Variants in ZC3H8 observed in about 807,000 individuals in gnomAD.
ZC3H8 encodes the protein zinc finger CCCH domain-containing protein 8.
In ZC3H8, 27 loss-of-function variants were observed where a neutral mutation model predicts 42.5. The observed-to-expected ratio is 0.64, with a 90% CI of 0.47 to 0.88. ZC3H8 has a LOEUF of 0.88. Ranked by LOEUF, ZC3H8 falls within the 40% of genes least tolerant of loss-of-function variation. The pLI is 0.00. For synonymous variants in ZC3H8, 101 were observed against 110.1 expected (o/e 0.92, Z 0.52); for missense variants, 277 against 336.1 (o/e 0.82, Z 1.37).
At chr2:112,217,665 C>A (rs1455542185) in intron 8 of ZC3H8, among the ~76,000 whole-genome samples, 1 of 152,110 alleles carries the variant, frequency 6.6e-6, no homozygotes, top group Non-Finnish European at 1.5e-5. Flanking sequence ...ATGAATCTTG[C>A]CAAAACAGTC....
intron 2 of ZC3H8, among the ~76,000 whole-genome samples, chr2:112,242,511 A>G (rs1685620611): frequency 6.6e-6 from 1 of 152,170 alleles, no homozygotes; most frequent in African/African-American, 2.4e-5. Flanking sequence ...TTCATTGAGT[A>G]CCTCATGCTA....
intron 1 of ZC3H8, among the ~76,000 whole-genome samples, chr2:112,250,981 A>G (rs1267512453): frequency 6.6e-6 from 1 of 152,254 alleles, no homozygotes; most frequent in African/African-American, 2.4e-5. Flanking sequence ...CTATTCCAGC[A>G]AAACTAAATA....
rs1336413735 is a variant in ZC3H8 at position 112,215,632 on chromosome 2, G to C, written c.*852C>G. On this transcript the variant is annotated 3_prime_UTR_variant, in exon 9 of 9. Transcript: ENST00000409573. ...TATAATGACGAGTTTCCATTTCATG[G>C]TATTTGTCTAATAATAACCAATAAT... The C allele has an allele frequency of 3.3e-5, 5 of 152,122 alleles. No individual in the cohort carries two copies. The highest frequency in any genetic ancestry group is 1.2e-4 in the African/African-American group (5 of 41,482). The allele number at this position is 152,122 out of a possible 1,614,324, so 9.4% of individuals were successfully genotyped here.
In ZC3H8 at chr2:112,233,229, TAA is replaced by T. The variant is rs763254522; in HGVS notation, c.733+29_733+30del. The T allele has an allele frequency of 7.7e-6, 11 of 1,422,936 alleles. No homozygotes were observed. In the East Asian group the frequency reaches 2.4e-4, roughly 31 times the overall value. The allele number at this position is 1,422,936 out of a possible 1,614,324, so 88.1% of individuals were successfully genotyped here. A position where few individuals can be genotyped will look rare whatever the true frequency, so the allele number is the denominator to read the frequency against. On this transcript the variant is annotated intron_variant, in intron 6 of 8. Coordinates refer to ENST00000409573, the MANE Select transcript of ZC3H8 (RefSeq NM_032494.3). ...TTTAAAATGTTCATGTAAATATTTA[TAA>T]AGTCACCATATCTTGTGATAAAGGA... is the stretch of plus-strand genomic sequence containing the variant.
intron 1 of ZC3H8, among the ~76,000 whole-genome samples, chr2:112,253,530 G>A (rs1051091714): frequency 6.6e-6 from 1 of 152,152 alleles, no homozygotes; most frequent in Non-Finnish European, 1.5e-5. Context: ...AATGACAATT[G>A]GGAGTAAAGT....
intron 2 of ZC3H8, among the ~76,000 whole-genome samples, chr2:112,247,504 G>GGCA (rs1167856013): frequency 6.6e-6 from 1 of 152,142 alleles, no homozygotes; most frequent in Non-Finnish European, 1.5e-5. Flanking sequence ...GCTTGAACCT[G>GGCA]GGAGGTGGAG....
intron 4 of ZC3H8, among the ~76,000 whole-genome samples, chr2:112,236,053 C>T (rs1038193952): frequency 4.0e-5 from 6 of 151,600 alleles, no homozygotes; most frequent in Admixed American, 1.3e-4. Flanking sequence ...CACCTGAGGT[C>T]AGGAGTTCAA....
chr2:112,252,910 A>G (rs370004953), intron 1 of ZC3H8, among the ~76,000 whole-genome samples: 11 of 152,132 alleles, frequency 7.2e-5, no homozygotes, highest in South Asian at 4.1e-4. Context: ...TTGGGAGGCC[A>G]AGGCGGGCAG....
intron 8 of ZC3H8, among the ~76,000 whole-genome samples, chr2:112,223,558 T>C (rs1291169522): frequency 6.6e-6 from 1 of 152,136 alleles, no homozygotes; most frequent in Non-Finnish European, 1.5e-5. Flanking sequence ...ATTACTTTTA[T>C]AAGAATATTT....
intron 8 of ZC3H8, among the ~76,000 whole-genome samples, chr2:112,220,775 C>T (rs1003302145): frequency 6.6e-6 from 1 of 152,156 alleles, no homozygotes; most frequent in South Asian, 2.1e-4. Flanking sequence ...GAGCTGAGAT[C>T]GTGCCATTGC....
chr2:112,226,343 C>T (rs981442090), intron 8 of ZC3H8, among the ~76,000 whole-genome samples: 1 of 151,806 alleles, frequency 6.6e-6, no homozygotes, highest in African/African-American at 2.4e-5. Context: ...AATCCCAGCA[C>T]TTTGGGAGGC....
intron 8 of ZC3H8, among the ~76,000 whole-genome samples, chr2:112,226,589 CA>C (rs549996878): frequency 0.095 from 7,081 of 74,198 alleles, 662 homozygotes; most frequent in East Asian, 0.41. Context: ...GACTCCATCT[CA>C]AAAAAAAAAA....
At position 112,225,039 on chromosome 2, in the gene ZC3H8, T is replaced by C. The variant is rs1573890504; in HGVS notation, c.*15+5864A>G. 1.3e-5 allele frequency among the ~76,000 whole-genome samples: 2 copies of C among 152,352 alleles called. 1 individual carries two copies. The highest frequency in any genetic ancestry group is 4.1e-4 in the South Asian group (2 of 4,830). ...TTTATTCCTGTTTTATTCTGTTTGATGCTACTGAATGAAATTGTTTAAACT... is the reference window on the plus strand; with the variant it reads ...TTTATTCCTGTTTTATTCTGTTTGACGCTACTGAATGAAATTGTTTAAACT... On this transcript the variant is annotated intron_variant, in intron 8 of 8. Coordinates refer to ENST00000409573, the MANE Select transcript of ZC3H8 (RefSeq NM_032494.3).
In ZC3H8 at chr2:112,214,974, C is replaced by T. The variant is rs1684270689; in HGVS notation, c.*1510G>A. On this transcript the variant is annotated 3_prime_UTR_variant, in exon 9 of 9. Coordinates refer to ENST00000409573, the MANE Select transcript of ZC3H8 (RefSeq NM_032494.3). ...TATTTGACTTCTGAGTCCCTCAAAT[C>T]TCTGCGGTGTCTTTTAAGTTTACAA... is the stretch of plus-strand genomic sequence containing the variant. 6.6e-6 allele frequency: 1 copy of T among 152,148 alleles called. No individual in the cohort carries two copies. Among genetic ancestry groups the T allele is most frequent in the Non-Finnish European group, 1.5e-5 (1 of 68,020 alleles). 9.4% of individuals were successfully genotyped at this position (152,148 alleles called of 1,614,324 possible). A position where few individuals can be genotyped will look rare whatever the true frequency, so the allele number is the denominator to read the frequency against.
At chr2:112,250,715 T>C (rs899991088) in intron 1 of ZC3H8, among the ~76,000 whole-genome samples, 19 of 152,144 alleles carry the variant, frequency 1.2e-4, no homozygotes, top group Admixed American at 6.6e-5. Context: ...TATAGGGGCA[T>C]ATATGGGGAA....
intron 8 of ZC3H8, among the ~76,000 whole-genome samples, chr2:112,221,812 T>C (rs1467110049): frequency 6.6e-6 from 1 of 152,182 alleles, no homozygotes; most frequent in East Asian, 1.9e-4. Flanking sequence ...GACTATCTCC[T>C]GTATGTCATT....
chr2:112,225,056 G>C (rs971673740), intron 8 of ZC3H8, among the ~76,000 whole-genome samples: 1 of 152,124 alleles, frequency 6.6e-6, no homozygotes, highest in Non-Finnish European at 1.5e-5. Flanking sequence ...GAATGAAATT[G>C]TTTAAACTTC....
In ZC3H8 at chr2:112,255,012, G is replaced by A; in HGVS notation, c.-31C>T. 6.3e-7 allele frequency: 1 copy of A among 1,579,906 alleles called. No individual in the cohort carries two copies. Among genetic ancestry groups the A allele is most frequent in the East Asian group, 2.3e-5 (1 of 43,324 alleles). On this transcript the variant is annotated 5_prime_UTR_variant, in exon 1 of 9. Transcript: ENST00000409573. Reference sequence around the variant, plus strand: ...AGACAGGTCCTCCCTTTCGCGAGCCGGGAAGCTACAGAGTAACAACCCGAG... The same window carrying A: ...AGACAGGTCCTCCCTTTCGCGAGCCAGGAAGCTACAGAGTAACAACCCGAG...
chr2:112,229,357 A>C (rs1423782330), intron 8 of ZC3H8, among the ~76,000 whole-genome samples: 3 of 152,076 alleles, frequency 2.0e-5, no homozygotes, highest in Admixed American at 6.6e-5. Context: ...TTACAGTTAT[A>C]CTCTTTTTTC....
Sources: gnomAD v4.1 joint callset for allele counts (sites outside exome capture counted in the v4.1 genomes callset) on GRCh38, gnomAD v4.1.1 for gene constraint, MANE v1.5 for transcripts, NCBI Gene and HGNC (gene_info 2026-07-23, HGNC 2026-07-21) for gene names.